Variants in PCCB observed in about 807,000 individuals in gnomAD.
The protein encoded by PCCB is propionyl-CoA carboxylase beta chain, mitochondrial.
In PCCB, 43 loss-of-function variants were observed where a neutral mutation model predicts 60.7. The observed-to-expected ratio is 0.71, with a 90% confidence interval of 0.55 to 0.91. The LOEUF (loss-of-function observed/expected upper bound fraction) is 0.91. Ranked by LOEUF, PCCB falls within the 40% of genes least tolerant of loss-of-function variation. PCCB has a pLI of 0.00. For synonymous variants in PCCB, 276 were observed against 255.9 expected, an observed-to-expected ratio of 1.08 and a Z score of -0.75; for missense variants, 766 against 702.8, an observed-to-expected ratio of 1.09 and a Z score of -1.02.
At position 136,329,978 on chromosome 3, in the gene PCCB, C is replaced by A; in HGVS notation, c.1572C>A (p.Ser524Arg). The change falls in exon 15 of 15, where the codon AGC (serine) becomes AGA (arginine). Residue 524 changes from serine to arginine, a missense_variant. Coordinates refer to ENST00000251654, the MANE Select transcript of PCCB (RefSeq NM_000532.5). ...RICCDLDVLA[S>R]KKVQRPWRKH... is the part of the protein sequence containing the mutation. ...GCTGTGACCTGGATGTCTTGGCCAG[C>A]AAGAAGGTACAACGTCCTTGGAGAA... is the stretch of plus-strand genomic sequence containing the variant. The A allele has an allele frequency of 1.2e-6, 2 of 1,614,100 alleles. No homozygotes were observed. Among genetic ancestry groups the A allele is most frequent in the Non-Finnish European group, 1.7e-6 (2 of 1,179,960 alleles).
At chr3:136,289,893 A>T (rs1933595620) in intron 6 of PCCB, among the ~76,000 whole-genome samples, 1 of 151,582 alleles carries the variant, frequency 6.6e-6, no homozygotes, top group Non-Finnish European at 1.5e-5. Flanking sequence ...AGGTTGTATG[A>T]GTACCTTATA....
At chr3:136,319,074 C>T (rs925018235) in intron 10 of PCCB, among the ~76,000 whole-genome samples, 2 of 152,284 alleles carry the variant, frequency 1.3e-5, no homozygotes, top group East Asian at 3.9e-4. Flanking sequence ...CTTGCCAACA[C>T]TTATTATTAA....
chr3:136,304,206 G>C (rs1258174578), intron 9 of PCCB, among the ~76,000 whole-genome samples: 3 of 111,364 alleles, frequency 2.7e-5, no homozygotes, highest in Admixed American at 1.1e-4. Flanking sequence ...CCAGGCTGGA[G>C]TGCAGCGGTG....
At chr3:136,327,079 A>G (rs745911317) in intron 11 of PCCB, 76 bp from the exon 12 acceptor site, 2 of 1,397,534 alleles carry the variant, frequency 1.4e-6, no homozygotes, top group South Asian at 1.2e-5. Flanking sequence ...AGAGGTGGGA[A>G]AGACCTCACA....
intron 8 of PCCB, among the ~76,000 whole-genome samples, chr3:136,299,944 A>G (rs928317582): frequency 2.0e-5 from 3 of 151,930 alleles, no homozygotes; most frequent in African/African-American, 7.3e-5. Flanking sequence ...GTATACGCAT[A>G]TGCATACATA....
chr3:136,291,674 T>C (rs1342272684), intron 6 of PCCB, among the ~76,000 whole-genome samples: 1 of 152,182 alleles, frequency 6.6e-6, no homozygotes, highest in Non-Finnish European at 1.5e-5. Flanking sequence ...GTATTTTTCT[T>C]CCCTCGCGTC....
chr3:136,283,445 G>A (rs1317969630), intron 5 of PCCB, among the ~76,000 whole-genome samples: 2 of 152,164 alleles, frequency 1.3e-5, no homozygotes, highest in Non-Finnish European at 2.9e-5. Context: ...GCCAAGATAA[G>A]TGTTGGCTCT....
chr3:136,300,153 T>C (rs1934205552), intron 8 of PCCB, among the ~76,000 whole-genome samples: 1 of 139,622 alleles, frequency 7.2e-6, no homozygotes, highest in Admixed American at 6.8e-5. Context: ...TGTGTTCACA[T>C]ACATATATAC....
chr3:136,266,673 T>C (rs1361820014), intron 5 of PCCB, among the ~76,000 whole-genome samples: 5 of 152,232 alleles, frequency 3.3e-5, no homozygotes, highest in African/African-American at 1.2e-4. Flanking sequence ...ACTAATCATG[T>C]TGAGCATCTT....
At chr3:136,292,231 C>G (rs1231394996) in intron 6 of PCCB, among the ~76,000 whole-genome samples, 1 of 143,644 alleles carries the variant, frequency 7.0e-6, no homozygotes, top group African/African-American at 2.5e-5. Context: ...AATTTTGTGT[C>G]TCTAGTTTTT....
chr3:136,278,081 A>G (rs1238969551), intron 5 of PCCB, among the ~76,000 whole-genome samples: 1 of 152,198 alleles, frequency 6.6e-6, no homozygotes, highest in Non-Finnish European at 1.5e-5. Flanking sequence ...CCTGTGAGGT[A>G]CAATAAAGAA....
At chr3:136,281,000 A>G (rs772902339) in intron 5 of PCCB, among the ~76,000 whole-genome samples, 3 of 152,180 alleles carry the variant, frequency 2.0e-5, no homozygotes, top group Non-Finnish European at 2.9e-5. Context: ...CTCCATGGTT[A>G]ATCTTGCTGA....
At chr3:136,252,253 G>A in intron 1 of PCCB, 1 of 455,382 alleles carries the variant, frequency 2.2e-6, no homozygotes, top group Non-Finnish European at 4.4e-6. Context: ...TGGGTCAAAG[G>A]GTGTAAGTTT....
chr3:136,329,409 CA>C (rs1345494977), intron 14 of PCCB, among the ~76,000 whole-genome samples: 1 of 152,094 alleles, frequency 6.6e-6, no homozygotes, highest in Non-Finnish European at 1.5e-5. Context: ...AGCAAGGGGG[CA>C]AAGGGAAACT....
chr3:136,254,483 G>A (rs890056690), intron 1 of PCCB, among the ~76,000 whole-genome samples: 5 of 140,288 alleles, frequency 3.6e-5, no homozygotes, highest in African/African-American at 7.9e-5. Flanking sequence ...GCCTCCCAAA[G>A]TGCTGGGATT....
intron 6 of PCCB, among the ~76,000 whole-genome samples, chr3:136,284,608 A>C (rs1164592477): frequency 6.6e-6 from 1 of 152,170 alleles, no homozygotes; most frequent in Non-Finnish European, 1.5e-5. Context: ...AGTGATAGCC[A>C]TCCAACTTGA....
At chr3:136,264,761 G>C (rs995016240) in intron 5 of PCCB, among the ~76,000 whole-genome samples, 2 of 150,524 alleles carry the variant, frequency 1.3e-5, no homozygotes, top group African/African-American at 2.4e-5. Flanking sequence ...TGTAGTCCCA[G>C]CTACTTGGGA....
chr3:136,316,974 C>G lies in PCCB; in HGVS notation c.1000C>G (p.Pro334Ala). ...VDEREFFEIM[P>A]NYAKNIIVGF... The stretch of plus-strand genomic sequence containing the variant: ...TGAGCGTGAATTTTTTGAGATCATG[C>G]CCAATTATGCCAAGAACATCATTGT... Residue 334 changes from proline to alanine, a missense_variant, in exon 10 of 15, where the codon CCC (proline) becomes GCC (alanine). Physicochemically the swap from Pro to Ala is conservative, Grantham distance 27 (BLOSUM62 -1). Transcript: ENST00000251654. 6.2e-7 allele frequency: 1 copy of G among 1,613,836 alleles called. No individual in the cohort carries two copies. The highest frequency in any genetic ancestry group is 8.5e-7 in the Non-Finnish European group (1 of 1,179,802).
intron 6 of PCCB, among the ~76,000 whole-genome samples, chr3:136,286,474 T>C (rs1322333836): frequency 6.6e-6 from 1 of 152,218 alleles, no homozygotes; most frequent in African/African-American, 2.4e-5. Context: ...TTCTCCTGCA[T>C]TGCTCTCCTG....
Sources: gnomAD v4.1 joint callset for allele counts (sites outside exome capture counted in the v4.1 genomes callset) on GRCh38, gnomAD v4.1.1 for gene constraint, MANE v1.5 for transcripts, NCBI Gene and HGNC (gene_info 2026-07-23, HGNC 2026-07-21) for gene names.